Variants in FBLN2 observed in about 807,000 individuals in gnomAD.
FBLN2 encodes the protein fibulin 2.
Under a neutral mutation model 123.7 loss-of-function variants are expected in FBLN2, and 81 were observed. The observed-to-expected ratio is 0.65, with a 90% CI of 0.55 to 0.79. FBLN2 has a LOEUF of 0.79. Ranked by LOEUF, FBLN2 falls within the 30% of genes least tolerant of loss-of-function variation. FBLN2 has a pLI of 0.00. For synonymous variants in FBLN2, 699 were observed against 701.4 expected, an observed-to-expected ratio of 1.00 and a Z score of 0.05; for missense variants, 1,603 against 1,681.3, an observed-to-expected ratio of 0.95 and a Z score of 0.81.
chr3:13,636,301 T>A (rs1706464714), intron 16 of FBLN2, 144 bp from the exon 17 acceptor site: 1 of 940,212 alleles, frequency 1.1e-6, no homozygotes, highest in Non-Finnish European at 1.6e-6. Flanking sequence ...GCAGGTGAGA[T>A]GGGGCATGTG....
intron 16 of FBLN2, among the ~76,000 whole-genome samples, chr3:13,632,284 G>A (rs541223999): frequency 6.6e-6 from 1 of 152,208 alleles, no homozygotes; most frequent in Non-Finnish European, 1.5e-5. Flanking sequence ...TCGGTCCCTT[G>A]GCGCCGCAGA....
chr3:13,631,343 G>A lies in FBLN2; in HGVS notation c.3100G>A (p.Ala1034Thr). ...GHTCTDIDEC[A>T]QGAGILCTFR... is the part of the protein sequence containing the mutation. Reference sequence around the variant, plus strand: ...CTCTCTGACAGACATCGACGAGTGTGCTCAAGGCGCCGGCATCCTCTGCAC... The same window carrying A: ...CTCTCTGACAGACATCGACGAGTGTACTCAAGGCGCCGGCATCCTCTGCAC... Residue 1034 changes from alanine to threonine, a missense_variant, in exon 16 of 18, where the codon GCT becomes ACT. Transcript: ENST00000404922. The A allele has an allele frequency of 1.2e-6, 2 of 1,602,826 alleles. No individual in the cohort carries two copies. The highest frequency in any genetic ancestry group is 1.7e-6 in the Non-Finnish European group (2 of 1,175,250).
intron 5 of FBLN2, 147 bp from the exon 6 acceptor site, chr3:13,617,925 CCCAT>C (rs1405526064): frequency 4.5e-6 from 3 of 673,418 alleles, no homozygotes; most frequent in Admixed American, 2.5e-5. Flanking sequence ...CACCCACCCA[CCCAT>C]CCATCCATCC....
chr3:13,576,569 C>T (rs1440767514), intron 2 of FBLN2, among the ~76,000 whole-genome samples: 5 of 152,186 alleles, frequency 3.3e-5, no homozygotes, highest in Non-Finnish European at 7.3e-5. Context: ...CACAAAGATT[C>T]AGGAAGGCTT....
chr3:13,594,307 G>T (rs1162672541), intron 2 of FBLN2, among the ~76,000 whole-genome samples: 1 of 152,118 alleles, frequency 6.6e-6, no homozygotes, highest in Non-Finnish European at 1.5e-5. Context: ...GGTGGTGCTG[G>T]GCAGGGCAGA....
At chr3:13,572,961 G>A (rs1353353125) in intron 2 of FBLN2, among the ~76,000 whole-genome samples, 1 of 152,140 alleles carries the variant, frequency 6.6e-6, no homozygotes, top group East Asian at 1.9e-4. Context: ...TGAAACCCCC[G>A]TGGGCCAACA....
intron 10 of FBLN2, among the ~76,000 whole-genome samples, 174 bp downstream of exon 10, chr3:13,626,753 G>A (rs1706055230): frequency 6.6e-6 from 1 of 152,144 alleles, no homozygotes; most frequent in Non-Finnish European, 1.5e-5. Flanking sequence ...CTGGTGGGAA[G>A]ACCCCACAAT....
intron 1 of FBLN2, among the ~76,000 whole-genome samples, chr3:13,552,225 T>TGG (rs34165279): frequency 2.8e-4 from 43 of 151,902 alleles, no homozygotes; most frequent in South Asian, 2.3e-3. Context: ...AGGGCAGCTG[T>TGG]GGGGATCCAT....
intron 1 of FBLN2, among the ~76,000 whole-genome samples, chr3:13,563,962 T>C (rs1174646729): frequency 6.6e-6 from 1 of 152,196 alleles, no homozygotes; most frequent in African/African-American, 2.4e-5. Context: ...CTGGTAGAGA[T>C]GACTCAGGAA....
chr3:13,564,584 T>C (rs950106748), intron 1 of FBLN2, among the ~76,000 whole-genome samples: 1 of 152,216 alleles, frequency 6.6e-6, no homozygotes, highest in East Asian at 1.9e-4. Context: ...GAGATGCCTG[T>C]GCACATCCCA....
intron 1 of FBLN2, 84 bp from the exon 2 acceptor site, chr3:13,570,231 G>A: frequency 3.6e-6 from 5 of 1,404,008 alleles, no homozygotes; most frequent in Non-Finnish European, 3.7e-6. Flanking sequence ...CTGAGGCTGG[G>A]CCCCTGCCCG....
chr3:13,557,572 G>A (rs1237838742), intron 1 of FBLN2, among the ~76,000 whole-genome samples: 1 of 152,316 alleles, frequency 6.6e-6, no homozygotes, highest in South Asian at 2.1e-4. Flanking sequence ...TGGTGGTCAG[G>A]TGCCCCAGCA....
chr3:13,630,464 C>T (rs1267283540), intron 14 of FBLN2, among the ~76,000 whole-genome samples: 1 of 152,222 alleles, frequency 6.6e-6, no homozygotes, highest in Non-Finnish European at 1.5e-5. Context: ...CCCAGCCCCT[C>T]CCCAGCCTGG....
intron 5 of FBLN2, among the ~76,000 whole-genome samples, chr3:13,615,238 G>A (rs1705557749): frequency 6.6e-6 from 1 of 152,238 alleles, no homozygotes; most frequent in African/African-American, 2.4e-5. Context: ...ATGGGCCTTG[G>A]TGGCCCTGGG....
chr3:13,568,254 T>C (rs1703808618), intron 1 of FBLN2, among the ~76,000 whole-genome samples: 1 of 152,176 alleles, frequency 6.6e-6, no homozygotes, highest in Non-Finnish European at 1.5e-5. Flanking sequence ...CAGCCTTCCC[T>C]GCCTCGGTCA....
chr3:13,571,023 C>T lies in FBLN2; in HGVS notation c.668C>T (p.Ala223Val). The change falls in exon 2 of 18, where the codon GCA becomes GTA. Residue 223 changes from alanine (A) to valine (V), a missense_variant. Physicochemically the swap from Ala to Val is moderately conservative, Grantham distance 64 (BLOSUM62 0). Coordinates refer to ENST00000404922, the MANE Select transcript of FBLN2 (RefSeq NM_001004019.2). ...GGEVQAGAVQ[A>V]GAGGPPAALG... The stretch of plus-strand genomic sequence containing the variant: ...GAGGTCCAGGCGGGTGCAGTCCAGG[C>T]AGGCGCAGGGGGCCCCCCAGCTGCT... 6.3e-7 allele frequency: 1 copy of T among 1,583,728 alleles called. No individual in the cohort carries two copies.
intron 1 of FBLN2, among the ~76,000 whole-genome samples, chr3:13,553,894 C>T (rs1256457948): frequency 6.6e-6 from 1 of 152,256 alleles, no homozygotes; most frequent in Non-Finnish European, 1.5e-5. Flanking sequence ...GGTTGCTCAT[C>T]TGTGAATCGG....
chr3:13,574,744 C>G (rs958850827), intron 2 of FBLN2, among the ~76,000 whole-genome samples: 1 of 152,174 alleles, frequency 6.6e-6, no homozygotes, highest in East Asian at 1.9e-4. Flanking sequence ...CTTCTCCTCA[C>G]CAAGGGCTGC....
intron 16 of FBLN2, among the ~76,000 whole-genome samples, chr3:13,633,441 A>C (rs1159723186): frequency 6.6e-6 from 1 of 152,268 alleles, no homozygotes; most frequent in Non-Finnish European, 1.5e-5. Context: ...CTTGCTCTCC[A>C]GACCTTCCTT....
Sources: gnomAD v4.1 joint callset for allele counts (sites outside exome capture counted in the v4.1 genomes callset) on GRCh38, gnomAD v4.1.1 for gene constraint, MANE v1.5 for transcripts, NCBI Gene and HGNC (gene_info 2026-07-23, HGNC 2026-07-21) for gene names.